Variants in TNIK observed in about 807,000 individuals in gnomAD.
TNIK encodes TRAF2 and NCK interacting kinase.
Under a neutral mutation model 191.3 loss-of-function variants are expected in TNIK, and 49 were observed. The ratio of observed to expected loss-of-function variants is 0.26; its 90% CI spans 0.20 to 0.32. The LOEUF (loss-of-function observed/expected upper bound fraction) is 0.32. Ranked by LOEUF, TNIK falls within the 10% of genes least tolerant of loss-of-function variation. The pLI, the probability that TNIK is intolerant of heterozygous loss-of-function variation, is 1.00. For missense variants in TNIK, 1,155 were observed against 1,702.3 expected, an observed-to-expected ratio of 0.68 and a Z score of 5.66; for synonymous variants, 594 against 600.9, an observed-to-expected ratio of 0.99 and a Z score of 0.17.
chr3:171,392,039 C>A (rs991769869), intron 1 of TNIK, among the ~76,000 whole-genome samples: 1 of 151,992 alleles, frequency 6.6e-6, no homozygotes, highest in African/African-American at 2.4e-5. Flanking sequence ...CAGAAGTTCC[C>A]AAAACTCTAT....
At chr3:171,195,768 C>G (rs1738607052) in intron 4 of TNIK, among the ~76,000 whole-genome samples, 2 of 152,096 alleles carry the variant, frequency 1.3e-5, no homozygotes, top group South Asian at 4.2e-4. Context: ...CCCACCTTCT[C>G]CAAGAAGCCA....
intron 12 of TNIK, among the ~76,000 whole-genome samples, chr3:171,156,059 C>T (rs1733130268): frequency 6.6e-6 from 1 of 152,174 alleles, no homozygotes; most frequent in South Asian, 2.1e-4. Context: ...TACTTCCCTC[C>T]CTGAACCTCA....
At chr3:171,106,734 T>G in intron 21 of TNIK, 3 of 534,880 alleles carry the variant, frequency 5.6e-6, no homozygotes, top group South Asian at 4.2e-5. Context: ...GTTGTTAATG[T>G]CCCACAAAAT....
chr3:171,146,883 GACTTC>G (rs1272136651), intron 12 of TNIK, among the ~76,000 whole-genome samples: 1 of 128,048 alleles, frequency 7.8e-6, no homozygotes, highest in Non-Finnish European at 1.6e-5. Context: ...GACAGAGTGA[GACTTC>G]ATCTCAAAAA....
At chr3:171,406,932 G>C (rs1173037315) in intron 1 of TNIK, among the ~76,000 whole-genome samples, 1 of 152,250 alleles carries the variant, frequency 6.6e-6, no homozygotes, top group Non-Finnish European at 1.5e-5. Context: ...CTGTGAGACT[G>C]TACCTTGAAG....
At chr3:171,171,923 C>T (rs1735341236) in intron 9 of TNIK, among the ~76,000 whole-genome samples, 1 of 152,104 alleles carries the variant, frequency 6.6e-6, no homozygotes, top group South Asian at 2.1e-4. Context: ...TACAACCCTC[C>T]CAGACAACTT....
At chr3:171,164,519 T>C (rs1217352124) in intron 10 of TNIK, among the ~76,000 whole-genome samples, 1 of 152,242 alleles carries the variant, frequency 6.6e-6, no homozygotes, top group Non-Finnish European at 1.5e-5. Context: ...ATTAGTAGTA[T>C]ACTCTCAATC....
chr3:171,252,166 T>C (rs570823304), intron 2 of TNIK, among the ~76,000 whole-genome samples: 6 of 152,202 alleles, frequency 3.9e-5, no homozygotes, highest in Non-Finnish European at 5.9e-5. Flanking sequence ...CCCCTATAAA[T>C]ACATCTTCAT....
chr3:171,162,102 GA>G, intron 10 of TNIK, among the ~76,000 whole-genome samples: 1 of 152,056 alleles, frequency 6.6e-6, no homozygotes, highest in South Asian at 2.1e-4. Flanking sequence ...GTGCAACAAA[GA>G]AACTTTTGAC....
At chr3:171,268,840 A>G (rs1051514018) in intron 2 of TNIK, among the ~76,000 whole-genome samples, 24 of 152,218 alleles carry the variant, frequency 1.6e-4, no homozygotes, top group African/African-American at 5.5e-4. Flanking sequence ...CAGTGAAGTT[A>G]CAGTTGGCAG....
chr3:171,340,171 C>G (rs931209293), intron 2 of TNIK, among the ~76,000 whole-genome samples: 3 of 152,030 alleles, frequency 2.0e-5, no homozygotes, highest in African/African-American at 7.2e-5. Context: ...AAGTATGATC[C>G]TAACCATGGG....
intron 3 of TNIK, among the ~76,000 whole-genome samples, chr3:171,220,640 C>T (rs895926035): frequency 4.6e-5 from 7 of 152,000 alleles, no homozygotes; most frequent in Middle Eastern, 3.2e-3. Flanking sequence ...TTTGAACAGC[C>T]CCGTCAGTGA....
chr3:171,246,286 T>TAA (rs1553868133), intron 2 of TNIK, among the ~76,000 whole-genome samples: 47 of 112,990 alleles, frequency 4.2e-4, no homozygotes, highest in African/African-American at 1.6e-3. Context: ...GAGAACCAGA[T>TAA]AAAAAAAAAA....
Position 171,264,790 on chromosome 3 carries a change from G to A in TNIK, c.124-36569C>T, listed in dbSNP as rs192900179. On this transcript the variant is annotated intron_variant, in intron 2 of 32. Transcript: ENST00000436636. ...CACAGAAGAAGGAAGCGATAGCCCT[G>A]CAATGGTAAGGGGATCTTGGAGATA... is the stretch of plus-strand genomic sequence containing the variant. Among the ~76,000 whole-genome samples, 286 of 152,310 alleles carry A rather than the reference G, an allele frequency of 1.9e-3. 2 individuals carry two copies. The highest frequency in any genetic ancestry group is 6.4e-3 in the African/African-American group (265 of 41,572).
At chr3:171,288,943 A>C (rs1444166341) in intron 2 of TNIK, among the ~76,000 whole-genome samples, 6 of 152,258 alleles carry the variant, frequency 3.9e-5, no homozygotes, top group African/African-American at 1.4e-4. Context: ...CATTTAAAAA[A>C]TTAAATTTGA....
intron 1 of TNIK, among the ~76,000 whole-genome samples, chr3:171,388,703 T>C (rs758435604): frequency 6.6e-6 from 1 of 152,238 alleles, no homozygotes; most frequent in Non-Finnish European, 1.5e-5. Context: ...GATTTCCATC[T>C]TCAAATCAGA....
chr3:171,234,113 G>C (rs2109010996), intron 2 of TNIK, among the ~76,000 whole-genome samples: 1 of 152,268 alleles, frequency 6.6e-6, no homozygotes, highest in South Asian at 2.1e-4. Flanking sequence ...TCCCATTTGA[G>C]ACTAAAGGTT....
chr3:171,330,083 ATCT>A (rs1201837092), intron 2 of TNIK, among the ~76,000 whole-genome samples: 4 of 152,220 alleles, frequency 2.6e-5, no homozygotes, highest in Admixed American at 2.6e-4. Context: ...GATTATTCAG[ATCT>A]TAACATTTGA....
intron 28 of TNIK, among the ~76,000 whole-genome samples, chr3:171,073,634 A>G (rs1304226800): frequency 7.2e-5 from 11 of 152,098 alleles, no homozygotes; most frequent in Admixed American, 7.2e-4. Context: ...CATCCAACAA[A>G]TTTCTACAAG....
Sources: gnomAD v4.1 joint callset for allele counts (sites outside exome capture counted in the v4.1 genomes callset) on GRCh38, gnomAD v4.1.1 for gene constraint, MANE v1.5 for transcripts, NCBI Gene and HGNC (gene_info 2026-07-23, HGNC 2026-07-21) for gene names.